Variants in CA13 observed in about 807,000 individuals in gnomAD.
The protein encoded by CA13 is carbonic anhydrase 13, also known as CA-XIII.
In CA13, 21 loss-of-function variants were observed where a neutral mutation model predicts 31.5. The ratio of observed to expected loss-of-function variants is 0.67; its 90% CI spans 0.47 to 0.96. CA13 has a LOEUF of 0.96. Among genes scored for constraint, CA13 ranks in the 40% least tolerant of loss-of-function variants. CA13 has a pLI of 0.00. For missense variants in CA13, 315 were observed against 318.9 expected (o/e 0.99, Z 0.09); for synonymous variants, 117 against 111.4 (o/e 1.05, Z -0.32).
intron 2 of CA13, among the ~76,000 whole-genome samples, 160 bp downstream of exon 2, chr8:85,251,097 G>C (rs749781343): frequency 6.7e-6 from 1 of 150,006 alleles, no homozygotes; most frequent in African/African-American, 2.5e-5. Flanking sequence ...CGCCTCCTAA[G>C]TTCAAGAGAT....
rs1396778351 is a variant in CA13 at position 85,245,884 on chromosome 8, T to C, written c.37+19T>C. The C allele has an allele frequency of 2.5e-6, 4 of 1,613,704 alleles. No homozygotes were observed. In the African/African-American group the frequency reaches 5.3e-5, roughly 22 times the overall value. ...CACAACGGTGAGCGCCTTTTCCTGA[T>C]CCAAGGGGGGGTTTGTGCGGGGGAC... On this transcript the variant is annotated intron_variant, in intron 1 of 6. Coordinates refer to ENST00000321764, the MANE Select transcript of CA13 (RefSeq NM_198584.3).
intron 1 of CA13, among the ~76,000 whole-genome samples, chr8:85,246,771 G>C (rs1210280486): frequency 6.6e-6 from 1 of 152,046 alleles, no homozygotes; most frequent in African/African-American, 2.4e-5. Context: ...GCTTAGTTTA[G>C]CCATTCCTCA....
rs1813813951 is a variant in CA13 at position 85,250,860 on chromosome 8, A to AC, written c.161dup (p.Ser55LysfsTer4). On this transcript the variant is annotated frameshift_variant, in exon 2 of 7. Transcript: ENST00000321764. LOFTEE classifies it high-confidence loss of function. The stretch of plus-strand genomic sequence containing the variant: ...CTCCGACCACTTAGTATCAAGTATG[A>AC]CCCAAGCTCAGCTAAAATCATCAGC... 1.2e-6 allele frequency: 2 copies of AC among 1,614,004 alleles called. No individual in the cohort carries two copies. Among genetic ancestry groups the AC allele is most frequent in the Non-Finnish European group, 1.7e-6 (2 of 1,180,002 alleles).
chr8:85,271,449 C>T (rs902538874), intron 6 of CA13, among the ~76,000 whole-genome samples: 1 of 152,152 alleles, frequency 6.6e-6, no homozygotes, highest in Admixed American at 6.5e-5. Flanking sequence ...CTTTCAGAGT[C>T]ACTCATTGAG....
intron 6 of CA13, among the ~76,000 whole-genome samples, chr8:85,276,213 A>C (rs1309253416): frequency 6.6e-6 from 1 of 152,108 alleles, no homozygotes; most frequent in East Asian, 1.9e-4. Flanking sequence ...CTGGGCCAGC[A>C]GCTGCTGTGC....
intron 3 of CA13, among the ~76,000 whole-genome samples, chr8:85,259,811 C>T (rs989602618): frequency 1.3e-5 from 2 of 152,104 alleles, no homozygotes; most frequent in Non-Finnish European, 1.5e-5. Flanking sequence ...AGTAATTTAT[C>T]CAGCTAGGAA....
chr8:85,252,921 T>G (rs1807218908), intron 2 of CA13, among the ~76,000 whole-genome samples: 1 of 152,002 alleles, frequency 6.6e-6, no homozygotes, highest in South Asian at 2.1e-4. Flanking sequence ...TTTGTCAAAT[T>G]CATAAAAGTA....
intron 6 of CA13, among the ~76,000 whole-genome samples, chr8:85,277,498 G>A (rs1002483690): frequency 6.6e-6 from 1 of 152,124 alleles, no homozygotes; most frequent in Admixed American, 6.6e-5. Context: ...CACTCACCGC[G>A]AGGGTCCACA....
intron 6 of CA13, among the ~76,000 whole-genome samples, chr8:85,276,262 G>T (rs7835882): frequency 3.4e-4 from 52 of 152,172 alleles, no homozygotes; most frequent in African/African-American, 1.1e-3. Flanking sequence ...TCCTCCCCCC[G>T]GGGCAGGGCT....
intron 3 of CA13, among the ~76,000 whole-genome samples, chr8:85,259,761 C>G (rs1807352323): frequency 6.6e-6 from 1 of 152,134 alleles, no homozygotes; most frequent in South Asian, 2.1e-4. Context: ...GTTATATGTT[C>G]CCATTTTAGA....
chr8:85,276,307 C>G lies in CA13; in HGVS notation c.670-4923C>G, dbSNP rs538933157. Reference sequence around the variant, plus strand: ...CAGCCCGCCATGCTTGAGCCTCCCCCCAACCTCCGTGGGCTCCTGTGCGGC... The same window carrying G: ...CAGCCCGCCATGCTTGAGCCTCCCCGCAACCTCCGTGGGCTCCTGTGCGGC... On this transcript the variant is annotated intron_variant, in intron 6 of 6. Coordinates refer to ENST00000321764, the MANE Select transcript of CA13 (RefSeq NM_198584.3). Among the ~76,000 whole-genome samples, 34 of 152,338 alleles carry G rather than the reference C, an allele frequency of 2.2e-4. No homozygotes were observed. In the East Asian group the frequency reaches 5.4e-3, roughly 24 times the overall value.
chr8:85,257,776 T>A (rs914282476), intron 2 of CA13, among the ~76,000 whole-genome samples: 2 of 148,742 alleles, frequency 1.3e-5, no homozygotes, highest in Admixed American at 1.3e-4. Context: ...AAGTGAGCAC[T>A]TTTGGCTAAT....
Position 85,282,598 on chromosome 8 carries a change from C to G in CA13, c.*1249C>G, listed in dbSNP as rs959396095. ...AGTCTCATATAAATATAGAATGGGT[C>G]CATAAACCCTTCAACTCATTTCCAT... On this transcript the variant is annotated 3_prime_UTR_variant, in exon 7 of 7. Transcript: ENST00000321764. The G allele has an allele frequency of 6.6e-6, 1 of 152,196 alleles. No homozygotes were observed. Among genetic ancestry groups the G allele is most frequent in the Non-Finnish European group, 1.5e-5 (1 of 68,040 alleles). 9.4% of individuals were successfully genotyped at this position (152,196 alleles called of 1,614,324 possible).
At chr8:85,249,408 T>C (rs992520921) in intron 1 of CA13, among the ~76,000 whole-genome samples, 2 of 151,892 alleles carry the variant, frequency 1.3e-5, no homozygotes, top group African/African-American at 4.8e-5. Flanking sequence ...GGTGGAAGGA[T>C]TGTTTGAGTT....
intron 1 of CA13, among the ~76,000 whole-genome samples, chr8:85,247,827 TC>T (rs1243018100): frequency 6.6e-6 from 1 of 151,944 alleles, no homozygotes; most frequent in African/African-American, 2.4e-5. Flanking sequence ...TGCCTTGGCC[TC>T]CCAAAGTACT....
intron 6 of CA13, among the ~76,000 whole-genome samples, chr8:85,276,358 C>T (rs1807607998): frequency 6.6e-6 from 1 of 152,186 alleles, no homozygotes; most frequent in Non-Finnish European, 1.5e-5. Context: ...CGATCGCTGC[C>T]CCCTGCTCCA....
intron 1 of CA13, among the ~76,000 whole-genome samples, chr8:85,248,144 A>G (rs1159009647): frequency 3.3e-5 from 5 of 152,154 alleles, no homozygotes; most frequent in Non-Finnish European, 7.4e-5. Flanking sequence ...CAGTTGAGCA[A>G]CCACCACATA....
intron 6 of CA13, among the ~76,000 whole-genome samples, chr8:85,269,696 TC>T (rs1240173718): frequency 6.6e-6 from 1 of 152,164 alleles, no homozygotes; most frequent in Non-Finnish European, 1.5e-5. Flanking sequence ...TTATGGAGCT[TC>T]CCCTGTAGGC....
At position 85,268,607 on chromosome 8, in the gene CA13, A is replaced by G. The variant is rs1290184474; in HGVS notation, c.649A>G (p.Ile217Val). ...SVTWIVLKQP[I>V]NISSQQLAKF... Reference sequence around the variant, plus strand: ...CACATGGATTGTTTTAAAGCAACCTATAAACATCAGCTCTCAACAGGTACA... The same window carrying G: ...CACATGGATTGTTTTAAAGCAACCTGTAAACATCAGCTCTCAACAGGTACA... The change falls in exon 6 of 7, where the codon ATA becomes GTA. Residue 217 changes from isoleucine (I) to valine (V), a missense_variant. By Grantham distance (29) the Ile-to-Val change is conservative. Transcript: ENST00000321764. 6.2e-6 allele frequency: 10 copies of G among 1,613,290 alleles called. No individual in the cohort carries two copies. Among genetic ancestry groups the G allele is most frequent in the Non-Finnish European group, 8.5e-6 (10 of 1,179,882 alleles).
Sources: allele counts gnomAD v4.1 joint callset (sites outside exome capture counted in the v4.1 genomes callset), GRCh38; gene constraint gnomAD v4.1.1; transcripts MANE v1.5; gene names NCBI Gene and HGNC (gene_info 2026-07-23, HGNC 2026-07-21).